Variants in CABLES1 observed in about 807,000 individuals in gnomAD.
CABLES1 encodes the protein CDK5 and ABL1 enzyme substrate 1.
CABLES1 carries 36 observed loss-of-function variants against 57.8 expected under a neutral mutation model. The ratio of observed to expected loss-of-function variants is 0.62; its 90% CI spans 0.48 to 0.82. The LOEUF (loss-of-function observed/expected upper bound fraction) is 0.82. Ranked by LOEUF, CABLES1 falls within the 40% of genes least tolerant of loss-of-function variation. CABLES1 has a pLI of 0.00. For missense variants in CABLES1, 767 were observed against 836.6 expected (o/e 0.92, Z 1.03); for synonymous variants, 374 against 363.0 (o/e 1.03, Z -0.35).
At chr18:23,228,176 C>A (rs1447674247) in intron 4 of CABLES1, among the ~76,000 whole-genome samples, 1 of 152,178 alleles carries the variant, frequency 6.6e-6, no homozygotes, top group Non-Finnish European at 1.5e-5. Context: ...GCTTGAACTT[C>A]TTGTTATCTA....
At chr18:23,248,254 A>G (rs1242677267) in intron 7 of CABLES1, among the ~76,000 whole-genome samples, 1 of 152,214 alleles carries the variant, frequency 6.6e-6, no homozygotes, top group Admixed American at 6.5e-5. Flanking sequence ...TATGGGGATC[A>G]GAAGCTCTTT....
At chr18:23,153,711 G>A (rs2046947675) in intron 1 of CABLES1, among the ~76,000 whole-genome samples, 1 of 152,068 alleles carries the variant, frequency 6.6e-6, no homozygotes. Flanking sequence ...TCCAGCCTGG[G>A]CAACAGAGCA....
At chr18:23,180,507 G>A (rs891452951) in intron 1 of CABLES1, among the ~76,000 whole-genome samples, 2 of 151,840 alleles carry the variant, frequency 1.3e-5, no homozygotes, top group East Asian at 1.9e-4. Context: ...ACAATTCTTG[G>A]GCTTATGTGT....
chr18:23,180,841 T>TG (rs1337383909), intron 1 of CABLES1, among the ~76,000 whole-genome samples: 1 of 151,996 alleles, frequency 6.6e-6, no homozygotes, highest in Non-Finnish European at 1.5e-5. Flanking sequence ...ATGTCTGTGG[T>TG]GGGGGGATGG....
At chr18:23,182,032 G>C (rs774025629) in intron 1 of CABLES1, among the ~76,000 whole-genome samples, 1 of 152,188 alleles carries the variant, frequency 6.6e-6, no homozygotes, top group Non-Finnish European at 1.5e-5. Flanking sequence ...CAGCCAGGAA[G>C]GGGGGTACAC....
chr18:23,170,490 C>T (rs868151038), intron 1 of CABLES1, among the ~76,000 whole-genome samples: 17 of 152,298 alleles, frequency 1.1e-4, no homozygotes, highest in African/African-American at 4.1e-4. Context: ...CCCTAGCCAT[C>T]TCCAGCAGCG....
chr18:23,220,814 C>T (rs1411038385), intron 4 of CABLES1, among the ~76,000 whole-genome samples: 1 of 152,196 alleles, frequency 6.6e-6, no homozygotes, highest in African/African-American at 2.4e-5. Context: ...AAATACCAGA[C>T]ATCTCTGGGT....
intron 4 of CABLES1, among the ~76,000 whole-genome samples, chr18:23,214,931 C>G (rs1320767214): frequency 2.0e-5 from 3 of 152,204 alleles, no homozygotes. Flanking sequence ...CATGACCTCC[C>G]CTTTCCCCTG....
chr18:23,235,678 G>A (rs540973099), intron 5 of CABLES1, among the ~76,000 whole-genome samples: 1 of 152,332 alleles, frequency 6.6e-6, no homozygotes, highest in South Asian at 2.1e-4. Flanking sequence ...GACCCAGTGG[G>A]ATAAATTAAA....
intron 9 of CABLES1, among the ~76,000 whole-genome samples, chr18:23,255,140 A>T (rs780825359): frequency 1.3e-5 from 2 of 152,206 alleles, no homozygotes; most frequent in South Asian, 4.1e-4. Flanking sequence ...TGTGAGGCCC[A>T]TGGAGGAGGT....
intron 1 of CABLES1, among the ~76,000 whole-genome samples, chr18:23,151,298 G>A (rs903477268): frequency 6.6e-6 from 1 of 151,848 alleles, no homozygotes; most frequent in Non-Finnish European, 1.5e-5. Context: ...GATTACATGC[G>A]TGAGCCACTG....
At chr18:23,246,520 T>G (rs1349837889) in intron 7 of CABLES1, among the ~76,000 whole-genome samples, 1 of 151,868 alleles carries the variant, frequency 6.6e-6, no homozygotes, top group East Asian at 2.0e-4. Context: ...GCCTCCCAAG[T>G]AGCTGGGACT....
At chr18:23,249,895 G>A (rs1014618846) in intron 7 of CABLES1, among the ~76,000 whole-genome samples, 1 of 152,228 alleles carries the variant, frequency 6.6e-6, no homozygotes, top group African/African-American at 2.4e-5. Context: ...GGCACGAGCT[G>A]GAAGCAGCCA....
At chr18:23,218,523 CATCCT>C in intron 4 of CABLES1, among the ~76,000 whole-genome samples, 1 of 86,224 alleles carries the variant, frequency 1.2e-5, no homozygotes, top group Non-Finnish European at 2.2e-5. Context: ...CTGCCTCCCG[CATCCT>C]CACTTGCCCT....
In CABLES1 at chr18:23,135,996, G is replaced by A. The variant is rs747525814; in HGVS notation, c.234G>A (p.Leu78=). Reference sequence around the variant, plus strand: ...CCAACATCTCGCTGGACGGCCGGCTGCCGCCGCAGGACGCGGAGTGGGGCG... The same window carrying A: ...CCAACATCTCGCTGGACGGCCGGCTACCGCCGCAGGACGCGGAGTGGGGCG... The part of the protein sequence containing the change: ...FLTNISLDGR[L]PPQDAEWGGG... Residue 78 remains leucine (L), a synonymous_variant, in exon 1 of 10, where the codon CTG becomes CTA. Coordinates refer to ENST00000256925, the MANE Select transcript of CABLES1 (RefSeq NM_001100619.3). The A allele has an allele frequency of 2.5e-5, 28 of 1,140,034 alleles. No individual in the cohort carries two copies. In the African/African-American group the frequency reaches 4.4e-4, roughly 18 times the overall value. 70.6% of individuals were successfully genotyped at this position (1,140,034 alleles called of 1,614,324 possible).
chr18:23,186,981 C>A (rs2047207389), intron 1 of CABLES1, among the ~76,000 whole-genome samples: 1 of 152,222 alleles, frequency 6.6e-6, no homozygotes, highest in Admixed American at 6.5e-5. Context: ...TGTGTCTCAA[C>A]CCATAGCACA....
At chr18:23,167,915 A>T (rs954132563) in intron 1 of CABLES1, among the ~76,000 whole-genome samples, 1 of 152,240 alleles carries the variant, frequency 6.6e-6, no homozygotes, top group Non-Finnish European at 1.5e-5. Context: ...CCTTCGGTTC[A>T]TGCACACGCT....
intron 1 of CABLES1, among the ~76,000 whole-genome samples, chr18:23,183,067 C>T (rs899743420): frequency 2.6e-5 from 4 of 152,228 alleles, no homozygotes; most frequent in Admixed American, 6.5e-5. Context: ...GGAGGGCCTT[C>T]GGGATGGTCA....
At chr18:23,246,538 C>T (rs1294348128) in intron 7 of CABLES1, among the ~76,000 whole-genome samples, 2 of 151,752 alleles carry the variant, frequency 1.3e-5, no homozygotes, top group Non-Finnish European at 2.9e-5. Context: ...ACTACAGGCA[C>T]CCGCCACCAC....
Sources: allele counts gnomAD v4.1 joint callset (sites outside exome capture counted in the v4.1 genomes callset), GRCh38; gene constraint gnomAD v4.1.1; transcripts MANE v1.5; gene names NCBI Gene and HGNC (gene_info 2026-07-23, HGNC 2026-07-21).